The following DOCK6 variants were observed in gnomAD, a reference collection of about 807,000 sequenced individuals.
DOCK6 encodes the protein dedicator of cytokinesis 6.
A neutral mutation model predicts 230.3 loss-of-function variants in DOCK6; 167 were observed. That is an observed-to-expected ratio of 0.73 (90% confidence interval 0.64 to 0.82). The LOEUF (loss-of-function observed/expected upper bound fraction) is 0.82, where lower values mean the gene tolerates loss of function less well. DOCK6 is among the 40% of genes least tolerant of loss of function. The pLI is 0.00. For synonymous variants in DOCK6, 1,148 were observed against 1,185.0 expected, an observed-to-expected ratio of 0.97 and a Z score of 0.64; for missense variants, 2,598 against 2,825.8, an observed-to-expected ratio of 0.92 and a Z score of 1.83.
Position 11,217,365 on chromosome 19 carries a change from C to T in DOCK6, c.3577G>A (p.Ala1193Thr). ...TCTGTGTCTGAGTCAAGCATTGAGG[C>T]CAGTCTTGACCGCTGACCTGGGCCC... Reference protein sequence around the residue: ...AEGPGQRSRLASMLDSDTEGE... With the variant: ...AEGPGQRSRLTSMLDSDTEGE... Residue 1193 changes from alanine to threonine, a missense_variant, in exon 29 of 48, where the codon GCC becomes ACC. Transcript: ENST00000294618. 3 of 1,613,364 alleles carry T rather than the reference C, an allele frequency of 1.9e-6. No individual in the cohort carries two copies. Among genetic ancestry groups the T allele is most frequent in the Non-Finnish European group, 2.5e-6 (3 of 1,179,702 alleles).
intron 28 of DOCK6, among the ~76,000 whole-genome samples, chr19:11,218,091 C>G (rs1236399819): frequency 6.6e-6 from 1 of 152,040 alleles, no homozygotes; most frequent in East Asian, 1.9e-4. Flanking sequence ...ACCTTGTGAT[C>G]TGCCCGTCTC....
intron 31 of DOCK6, 59 bp from the exon 32 acceptor site, chr19:11,215,530 C>A: frequency 6.6e-7 from 1 of 1,509,698 alleles, no homozygotes. Context: ...ACGTGAACAT[C>A]AGGAGAAATG....
At position 11,200,689 on chromosome 19, in the gene DOCK6, AC is replaced by A. The variant is rs1488774758; in HGVS notation, c.5939+26del. ...CCTATGCAGGTTAGGCAGACACGAG[AC>A]CCCTCCTGGGGGGTTTTGCGCCTAC... On this transcript the variant is annotated intron_variant, in intron 46 of 47. Transcript: ENST00000294618. This position sits in a 1 kb window ranked among gnomAD's most constrained non-coding sequence, Gnocchi z 4.3. 2 of 1,594,822 alleles carry A rather than the reference AC, an allele frequency of 1.3e-6. No homozygotes were observed. Among genetic ancestry groups the A allele is most frequent in the African/African-American group, 2.7e-5 (2 of 74,540 alleles).
rs971062724 is a variant in DOCK6, at chr19:11,237,793, G to C, written c.1833-14C>G. 1.3e-6 allele frequency: 2 copies of C among 1,560,708 alleles called. No homozygotes were observed. The highest frequency in any genetic ancestry group is 1.4e-5 in the African/African-American group (1 of 73,448). On this transcript the variant is annotated splice_polypyrimidine_tract_variant and intron_variant, in intron 16 of 47. Transcript: ENST00000294618. ...AACTCGGGGGACCTGGCAGAATCGG[G>C]CTGGGGGATCTGCTGGGGGCTGGGG...
intron 1 of DOCK6, among the ~76,000 whole-genome samples, chr19:11,255,774 T>G (rs1397104655): frequency 2.6e-5 from 4 of 152,104 alleles, no homozygotes; most frequent in Non-Finnish European, 5.9e-5. Context: ...CAATTCCCTG[T>G]GTAATTGTAA....
chr19:11,237,566 A>T lies in DOCK6; in HGVS notation c.1972-9T>A, dbSNP rs1425447942. On this transcript the variant is annotated splice_polypyrimidine_tract_variant and intron_variant, in intron 17 of 47. Transcript: ENST00000294618. ...TGCAGCAGTGGGATCCACTGGGGAGAGGCTGGAGGTCAGGTCTGCGGCCAG... is the reference window on the plus strand; with the variant it reads ...TGCAGCAGTGGGATCCACTGGGGAGTGGCTGGAGGTCAGGTCTGCGGCCAG... The T allele has an allele frequency of 7.7e-7, 1 of 1,306,704 alleles. No homozygotes were observed. The highest frequency in any genetic ancestry group is 4.3e-5 in the East Asian group (1 of 23,032). 80.9% of individuals were successfully genotyped at this position (1,306,704 alleles called of 1,614,324 possible).
intron 6 of DOCK6, among the ~76,000 whole-genome samples, chr19:11,250,313 A>T (rs2080097733): frequency 6.7e-6 from 1 of 148,654 alleles, no homozygotes; most frequent in African/African-American, 2.5e-5. Flanking sequence ...GCCCAGCCAG[A>T]AGCTACTTTT....
At chr19:11,205,084 C>T (rs2079235298) in intron 39 of DOCK6, among the ~76,000 whole-genome samples, 2 of 152,232 alleles carry the variant, frequency 1.3e-5, no homozygotes, top group South Asian at 4.1e-4. Context: ...ATGCCCCTCA[C>T]CCCCAGCGGG....
chr19:11,257,835 C>G (rs1407501288), intron 1 of DOCK6, among the ~76,000 whole-genome samples: 2 of 151,910 alleles, frequency 1.3e-5, no homozygotes, highest in African/African-American at 4.8e-5. Flanking sequence ...GTGGCTCATG[C>G]CTATACTCCC....
At chr19:11,204,469 C>T (rs2079224780) in intron 39 of DOCK6, 138 bp from the exon 40 acceptor site, 1 of 1,233,808 alleles carries the variant, frequency 8.1e-7, no homozygotes, top group Non-Finnish European at 1.1e-6. Flanking sequence ...CCCTGACCAC[C>T]CCTATCCCAG....
intron 4 of DOCK6, 59 bp from the exon 5 acceptor site, chr19:11,252,307 G>A: frequency 6.4e-7 from 1 of 1,566,296 alleles, no homozygotes; most frequent in Non-Finnish European, 8.7e-7. Context: ...GGGGTCCCCA[G>A]TGTGTTCTGA....
At chr19:11,245,770 AAGG>A (rs746699134) in intron 8 of DOCK6, 39 bp downstream of exon 8, 2 of 1,599,730 alleles carry the variant, frequency 1.3e-6, no homozygotes, top group Admixed American at 1.7e-5. Flanking sequence ...GCCCCCCAAC[AAGG>A]AGAAGGAAGG....
intron 1 of DOCK6, among the ~76,000 whole-genome samples, chr19:11,258,725 G>A (rs1382204792): frequency 4.2e-5 from 6 of 144,556 alleles, no homozygotes; most frequent in Admixed American, 7.1e-5. Flanking sequence ...GAGCCAACGC[G>A]CCCGGCCTAT....
intron 4 of DOCK6, 115 bp downstream of exon 4, chr19:11,252,367 A>G: frequency 6.3e-7 from 1 of 1,580,714 alleles, no homozygotes; most frequent in Admixed American, 1.7e-5. Flanking sequence ...TCCACCAGAC[A>G]AGTTTGCCTG....
intron 22 of DOCK6, among the ~76,000 whole-genome samples, 157 bp downstream of exon 22, chr19:11,233,046 C>T (rs1204051554): frequency 6.6e-6 from 1 of 152,210 alleles, no homozygotes; most frequent in Non-Finnish European, 1.5e-5. Flanking sequence ...TACCCCACAA[C>T]CTGTGACAGC....
chr19:11,245,459 C>G lies in DOCK6; in HGVS notation c.1023+104G>C, dbSNP rs555006484. 13 of 1,253,144 alleles carry G rather than the reference C, an allele frequency of 1.0e-5. No homozygotes were observed. The East Asian group carries it at 3.3e-4, about 32-fold the overall frequency. The allele number at this position is 1,253,144 out of a possible 1,614,324, so 77.6% of individuals were successfully genotyped here. ...CTGCCTGTGTTTCCCCCACAACAGC[C>G]CTGATTACCCTTCTTGGTGATGTAT... is the stretch of plus-strand genomic sequence containing the variant. On this transcript the variant is annotated intron_variant, in intron 9 of 47. Transcript: ENST00000294618.
At chr19:11,258,989 T>C (rs2080241265) in intron 1 of DOCK6, among the ~76,000 whole-genome samples, 1 of 152,148 alleles carries the variant, frequency 6.6e-6, no homozygotes, top group South Asian at 2.1e-4. Context: ...CCTCAGGTGA[T>C]CCACCTGCCT....
In DOCK6 at chr19:11,248,124, G is replaced by C; in HGVS notation, c.748C>G (p.Pro250Ala). Reference protein sequence around the residue: ...EDEAVERCSRPEPPREHFGQR... With the variant: ...EDEAVERCSRAEPPREHFGQR... Reference sequence around the variant, plus strand: ...CCAAAGTGCTCGCGGGGTGGCTCTGGGCGGCTACAGCGTTCCACGGCTTCA... The same window carrying C: ...CCAAAGTGCTCGCGGGGTGGCTCTGCGCGGCTACAGCGTTCCACGGCTTCA... Residue 250 changes from proline to alanine, a missense_variant, in exon 7 of 48, where the codon CCA (proline) becomes GCA (alanine). Transcript: ENST00000294618. 2 of 1,611,600 alleles carry C rather than the reference G, an allele frequency of 1.2e-6. No homozygotes were observed. The highest frequency in any genetic ancestry group is 2.2e-5 in the South Asian group (2 of 90,472).
In DOCK6 at chr19:11,202,459, C is replaced by T. The variant is rs763122944; in HGVS notation, c.5386G>A (p.Asp1796Asn). 2.4e-5 allele frequency: 39 copies of T among 1,613,352 alleles called. No homozygotes were observed. The highest frequency in any genetic ancestry group is 3.3e-4 in the Middle Eastern group (2 of 6,084). Residue 1796 changes from aspartate to asparagine, a missense_variant, in exon 43 of 48, where the codon GAC (aspartate) becomes AAC (asparagine). Physicochemically the swap from Asp to Asn is conservative, Grantham distance 23. Transcript: ENST00000294618. The surrounding 1 kb of genome is among the most constrained non-coding windows in gnomAD (Gnocchi z 5.3). ...TCTTTGATAATCTCAACGACGTCGTCGCCAAATCTCTCCGTGTAGAACTCC... is the reference window on the plus strand; with the variant it reads ...TCTTTGATAATCTCAACGACGTCGTTGCCAAATCTCTCCGTGTAGAACTCC... The part of the protein sequence containing the change: ...LEEFYTERFG[D>N]DVVEIIKDSN...
Sources: gnomAD v4.1 joint callset for allele counts (sites outside exome capture counted in the v4.1 genomes callset) on GRCh38, gnomAD v4.1.1 for gene constraint, Gnocchi (gnomAD v3.1) non-coding constraint, MANE v1.5 for transcripts, NCBI Gene and HGNC (gene_info 2026-07-23, HGNC 2026-07-21) for gene names.